Variants in FHIT observed in about 807,000 individuals in gnomAD.
FHIT encodes bis(5'-adenosyl)-triphosphatase.
FHIT carries 19 observed loss-of-function variants against 17.9 expected under a neutral mutation model. That is an observed-to-expected ratio of 1.06 (90% confidence interval 0.74 to 1.56). The LOEUF (loss-of-function observed/expected upper bound fraction) is 1.56. FHIT is among the 40% of genes most tolerant of loss of function. FHIT has a pLI of 0.00. For missense variants in FHIT, 248 were observed against 189.2 expected, an observed-to-expected ratio of 1.31 and a Z score of -1.82; for synonymous variants, 81 against 69.7, an observed-to-expected ratio of 1.16 and a Z score of -0.81.
At chr3:60,614,415 C>T (rs1187648760) in intron 4 of FHIT, among the ~76,000 whole-genome samples, 2 of 152,100 alleles carry the variant, frequency 1.3e-5, no homozygotes, top group African/African-American at 4.8e-5. Context: ...ACCAGCCTGG[C>T]CAACATGGCA....
intron 3 of FHIT, among the ~76,000 whole-genome samples, chr3:60,942,633 T>C (rs1708467375): frequency 6.6e-6 from 1 of 152,168 alleles, no homozygotes; most frequent in Admixed American, 6.6e-5. Context: ...TGTGCTGTTT[T>C]AGTCTTTAAA....
rs945501219 is a variant in FHIT at position 59,749,047 on chromosome 3, C to T, written c.*538G>A. Among the ~76,000 whole-genome samples the T allele has an allele frequency of 6.6e-6, 1 of 152,076 alleles. No homozygotes were observed. Among genetic ancestry groups the T allele is most frequent in the African/African-American group, 2.4e-5 (1 of 41,426 alleles). ...AATAATCACGAAAGCTGGAGAAGGCCAAGTCTATCTGACCTTCAGATTAAC... is the reference window on the plus strand; with the variant it reads ...AATAATCACGAAAGCTGGAGAAGGCTAAGTCTATCTGACCTTCAGATTAAC... On this transcript the variant is annotated 3_prime_UTR_variant, in exon 10 of 10. Coordinates refer to ENST00000492590, the MANE Select transcript of FHIT (RefSeq NM_002012.4).
chr3:60,540,687 GAAT>G (rs1235076759), intron 4 of FHIT, among the ~76,000 whole-genome samples: 16 of 152,210 alleles, frequency 1.1e-4, no homozygotes, highest in Admixed American at 2.0e-4. Context: ...TATAGCACAT[GAAT>G]AATGCATGAT....
intron 4 of FHIT, among the ~76,000 whole-genome samples, chr3:60,657,461 C>A (rs1006802679): frequency 6.6e-6 from 1 of 152,118 alleles, no homozygotes; most frequent in Admixed American, 6.5e-5. Flanking sequence ...CCTTTGATTT[C>A]TCATTTTGCA....
intron 3 of FHIT, among the ~76,000 whole-genome samples, chr3:60,968,419 CTTTTT>C (rs35256219): frequency 7.0e-6 from 1 of 143,130 alleles, no homozygotes; most frequent in South Asian, 2.2e-4. Context: ...TGCTGTAGGA[CTTTTT>C]TTTTTTTTTT....
At chr3:61,003,452 G>C (rs988312985) in intron 3 of FHIT, among the ~76,000 whole-genome samples, 2 of 152,182 alleles carry the variant, frequency 1.3e-5, no homozygotes, top group Non-Finnish European at 2.9e-5. Context: ...TGAAACATTA[G>C]TGATGAAAGC....
intron 8 of FHIT, among the ~76,000 whole-genome samples, chr3:59,761,843 G>C (rs505355): frequency 6.6e-6 from 1 of 152,112 alleles, no homozygotes; most frequent in East Asian, 1.9e-4. Flanking sequence ...TGACCTGCCC[G>C]CCTCGGCCTC....
intron 8 of FHIT, among the ~76,000 whole-genome samples, chr3:59,835,097 C>T (rs1056046295): frequency 2.0e-5 from 3 of 152,158 alleles, no homozygotes; most frequent in Non-Finnish European, 4.4e-5. Context: ...CAAAGACAAT[C>T]TTTCCCTAAG....
At chr3:61,074,548 A>C (rs1028504349) in intron 2 of FHIT, among the ~76,000 whole-genome samples, 10 of 152,080 alleles carry the variant, frequency 6.6e-5, no homozygotes, top group African/African-American at 2.4e-4. Flanking sequence ...GGAAGCTCTG[A>C]CCCTACCGGC....
chr3:60,842,453 A>G (rs1280764804), intron 3 of FHIT, among the ~76,000 whole-genome samples: 1 of 151,752 alleles, frequency 6.6e-6, no homozygotes, highest in East Asian at 1.9e-4. Context: ...ATAACCTGAG[A>G]TATTTTATCA....
At chr3:60,425,068 C>T (rs1163924005) in intron 5 of FHIT, among the ~76,000 whole-genome samples, 3 of 152,136 alleles carry the variant, frequency 2.0e-5, no homozygotes, top group Admixed American at 6.5e-5. Flanking sequence ...ATTAGCTGAA[C>T]GTGCCTTCCT....
At position 61,152,575 on chromosome 3, in the gene FHIT, G is replaced by C. The variant is rs72879816; in HGVS notation, c.-164+48042C>G. Among the ~76,000 whole-genome samples the C allele has an allele frequency of 8.1e-3, 1,239 of 152,226 alleles. 15 individuals are homozygous for C. Among genetic ancestry groups the C allele is most frequent in the African/African-American group, 0.027 (1,139 of 41,530 alleles). Reference sequence around the variant, plus strand: ...TGAATGACTGAAGTTGGGGTGCTCTGACCTATTAGCATGGAGGTTGGAGAA... The same window carrying C: ...TGAATGACTGAAGTTGGGGTGCTCTCACCTATTAGCATGGAGGTTGGAGAA... On this transcript the variant is annotated intron_variant, in intron 2 of 9. Transcript: ENST00000492590.
At chr3:60,772,523 A>T (rs1334754276) in intron 4 of FHIT, among the ~76,000 whole-genome samples, 3 of 152,082 alleles carry the variant, frequency 2.0e-5, no homozygotes, top group Non-Finnish European at 4.4e-5. Flanking sequence ...GATCTGATCT[A>T]GCCCATCTGC....
chr3:59,866,305 C>T (rs570056497), intron 8 of FHIT, among the ~76,000 whole-genome samples: 27 of 152,200 alleles, frequency 1.8e-4, no homozygotes, highest in African/African-American at 5.5e-4. Flanking sequence ...AAGGCAGAAA[C>T]AAGCTTAACG....
intron 2 of FHIT, among the ~76,000 whole-genome samples, chr3:61,154,656 C>T (rs904055902): frequency 2.0e-5 from 3 of 152,096 alleles, no homozygotes; most frequent in Non-Finnish European, 2.9e-5. Flanking sequence ...GCATTGCTTT[C>T]GGCCATCTGA....
intron 5 of FHIT, among the ~76,000 whole-genome samples, chr3:60,202,204 T>C (rs1702947475): frequency 6.6e-6 from 1 of 152,222 alleles, no homozygotes; most frequent in Admixed American, 6.5e-5. Flanking sequence ...TTAAAGCATA[T>C]CACTTCACTT....
chr3:60,705,167 T>A (rs950467593), intron 4 of FHIT, among the ~76,000 whole-genome samples: 1 of 152,100 alleles, frequency 6.6e-6, no homozygotes, highest in Non-Finnish European at 1.5e-5. Context: ...ATTTTTACAC[T>A]GCATTACAAT....
At chr3:60,304,075 C>T (rs936710321) in intron 5 of FHIT, among the ~76,000 whole-genome samples, 2 of 152,116 alleles carry the variant, frequency 1.3e-5, no homozygotes, top group African/African-American at 2.4e-5. Flanking sequence ...TATTCCTTCT[C>T]TCCTTCTTTA....
At chr3:61,050,826 C>G (rs2033998297) in intron 2 of FHIT, among the ~76,000 whole-genome samples, 2 of 152,190 alleles carry the variant, frequency 1.3e-5, no homozygotes, top group African/African-American at 4.8e-5. Context: ...ATTGGTTGGA[C>G]CAGCCCTTTC....
Sources: gnomAD v4.1 joint callset for allele counts (sites outside exome capture counted in the v4.1 genomes callset) on GRCh38, gnomAD v4.1.1 for gene constraint, MANE v1.5 for transcripts, NCBI Gene and HGNC (gene_info 2026-07-23, HGNC 2026-07-21) for gene names.